Variants in EPHX4 observed in about 807,000 individuals in gnomAD.
The protein encoded by EPHX4 is epoxide hydrolase 4, also known as abhydrolase domain containing 7.
Under a neutral mutation model 44.9 loss-of-function variants are expected in EPHX4, and 31 were observed. That is an observed-to-expected ratio of 0.69 (90% CI 0.52 to 0.93). The LOEUF (loss-of-function observed/expected upper bound fraction) is 0.93, where lower values mean the gene tolerates loss of function less well. EPHX4 is among the 40% of genes least tolerant of loss of function. The probability of loss-of-function intolerance (pLI) is 0.00; values close to 1 mark genes in which losing one functional copy is unlikely to be tolerated. For synonymous variants in EPHX4, 151 were observed against 159.7 expected (o/e 0.95, Z 0.41); for missense variants, 373 against 438.1 (o/e 0.85, Z 1.33).
chr1:92,047,516 G>A (rs1475268337), intron 4 of EPHX4, among the ~76,000 whole-genome samples: 1 of 152,128 alleles, frequency 6.6e-6, no homozygotes, highest in African/African-American at 2.4e-5. Flanking sequence ...TGCTTTATGT[G>A]TACTTTCTAT....
chr1:92,043,957 C>G (rs1557883389), intron 3 of EPHX4, among the ~76,000 whole-genome samples: 1 of 152,158 alleles, frequency 6.6e-6, no homozygotes. Flanking sequence ...ACCACGAGAC[C>G]AAAGCAAATC....
intron 6 of EPHX4, among the ~76,000 whole-genome samples, chr1:92,057,028 G>T (rs1261313395): frequency 6.6e-6 from 1 of 151,770 alleles, no homozygotes; most frequent in Non-Finnish European, 1.5e-5. Context: ...AAAACATGAG[G>T]AATAGTTAAA....
chr1:92,034,116 C>A (rs1365089367), intron 2 of EPHX4, among the ~76,000 whole-genome samples: 2 of 140,342 alleles, frequency 1.4e-5, no homozygotes, highest in South Asian at 2.3e-4. Flanking sequence ...CACGGTGAAA[C>A]CCTGTCTCTA....
At position 92,063,404 on chromosome 1, in the gene EPHX4, A is replaced by G; in HGVS notation, c.*118A>G. ...AACTGTTTTAATGTGCTTTATCATA[A>G]ATAAATATCCTGACAAATGGTATTG... is the stretch of plus-strand genomic sequence containing the variant. On this transcript the variant is annotated 3_prime_UTR_variant, in exon 7 of 7. Transcript: ENST00000370383. 1.4e-6 allele frequency: 1 copy of G among 734,562 alleles called. No homozygotes were observed. The highest frequency in any genetic ancestry group is 2.1e-6 in the Non-Finnish European group (1 of 471,796). The allele number at this position is 734,562 out of a possible 1,614,324, so 45.5% of individuals were successfully genotyped here.
chr1:92,030,264 G>T lies in EPHX4; in HGVS notation c.185G>T (p.Cys62Phe), dbSNP rs929046230. Reference protein sequence around the residue: ...RRPAREHPPACLSDPSLGTHC... With the variant: ...RRPAREHPPAFLSDPSLGTHC... ...CCCGCCCGGGAGCACCCTCCCGCGT[G>T]CCTGAGCGACCCCTCCTTGGGCACC... The change falls in exon 1 of 7, where the codon TGC becomes TTC. Residue 62 changes from cysteine to phenylalanine, a missense_variant. Cys to Phe is a radical substitution (Grantham distance 205). Coordinates refer to ENST00000370383, the MANE Select transcript of EPHX4 (RefSeq NM_173567.5). The T allele has an allele frequency of 5.0e-6, 8 of 1,601,530 alleles. No homozygotes were observed. The highest frequency in any genetic ancestry group is 6.8e-6 in the Non-Finnish European group (8 of 1,174,580).
chr1:92,030,118 C>T lies in EPHX4; in HGVS notation c.39C>T (p.Leu13=), dbSNP rs79022052. ...GGGATTGCCTGCCCCGCCTGATGCT[C>T]ACGCTCCGGTCCCTGCTCTTCTGGT... The part of the protein sequence containing the change: ...RLRDCLPRLM[L]TLRSLLFWSL... Residue 13 remains leucine, a synonymous_variant, in exon 1 of 7, where the codon CTC becomes CTT. Coordinates refer to ENST00000370383, the MANE Select transcript of EPHX4 (RefSeq NM_173567.5). The T allele has an allele frequency of 5.6e-6, 9 of 1,609,800 alleles. No individual in the cohort carries two copies. The highest frequency in any genetic ancestry group is 2.3e-5 in the East Asian group (1 of 44,352).
intron 6 of EPHX4, among the ~76,000 whole-genome samples, chr1:92,061,312 C>T (rs1263670763): frequency 6.6e-6 from 1 of 152,132 alleles, no homozygotes; most frequent in African/African-American, 2.4e-5. Flanking sequence ...GAAGTTAAGT[C>T]CATGGTGGGC....
At chr1:92,033,348 T>C (rs181270845) in intron 2 of EPHX4, among the ~76,000 whole-genome samples, 2 of 152,310 alleles carry the variant, frequency 1.3e-5, no homozygotes, top group East Asian at 3.9e-4. Flanking sequence ...TATATATTTT[T>C]TTGAGGATTA....
intron 4 of EPHX4, among the ~76,000 whole-genome samples, chr1:92,050,052 TCG>T (rs1415618585): frequency 6.6e-6 from 1 of 151,622 alleles, no homozygotes; most frequent in East Asian, 1.9e-4. Context: ...TGAGCTGAGA[TCG>T]CGCCATTGCA....
At chr1:92,043,695 T>C (rs1688544749) in intron 3 of EPHX4, 1 of 152,230 alleles carries the variant, frequency 6.6e-6, no homozygotes. Flanking sequence ...TTTTTTCCTG[T>C]GCTCATGGAT....
intron 1 of EPHX4, among the ~76,000 whole-genome samples, chr1:92,032,256 A>G (rs752207405): frequency 1.3e-5 from 2 of 152,228 alleles, no homozygotes; most frequent in Non-Finnish European, 2.9e-5. Context: ...GGGAGTGTTG[A>G]CAAAGTGAAT....
intron 3 of EPHX4, among the ~76,000 whole-genome samples, chr1:92,045,012 G>C (rs903098706): frequency 3.9e-5 from 6 of 152,010 alleles, no homozygotes; most frequent in Non-Finnish European, 7.4e-5. Flanking sequence ...ACCCAGGCTG[G>C]AATGCAGTGG....
intron 2 of EPHX4, among the ~76,000 whole-genome samples, chr1:92,039,319 C>T (rs1490877710): frequency 6.6e-6 from 1 of 152,214 alleles, no homozygotes; most frequent in Middle Eastern, 3.4e-3. Context: ...ACACTTAGAC[C>T]AAGCAATAGG....
chr1:92,044,059 A>G lies in EPHX4; in HGVS notation c.475+1079A>G, dbSNP rs577565577. On this transcript the variant is annotated intron_variant, in intron 3 of 6. Transcript: ENST00000370383. ...GTAAATATTTTTTAACAATAATCCAATCTATTAATACTATATCCCTTTTGA... is the reference window on the plus strand; with the variant it reads ...GTAAATATTTTTTAACAATAATCCAGTCTATTAATACTATATCCCTTTTGA... Among the ~76,000 whole-genome samples, 10 of 152,326 alleles carry G rather than the reference A, an allele frequency of 6.6e-5. No individual in the cohort carries two copies. In the South Asian group the frequency reaches 2.1e-3, roughly 32 times the overall value.
chr1:92,055,766 T>C (rs1647354494), intron 6 of EPHX4, among the ~76,000 whole-genome samples: 1 of 152,214 alleles, frequency 6.6e-6, no homozygotes, highest in Non-Finnish European at 1.5e-5. Context: ...GAAAAAAGAT[T>C]TAAAATCTTA....
Position 92,052,612 on chromosome 1 carries a change from C to T in EPHX4, c.811C>T (p.Pro271Ser). ...LEAYIYVFSQPGALSGPINHY... is the reference protein window; with the variant it reads ...LEAYIYVFSQSGALSGPINHY... Reference sequence around the variant, plus strand: ...AGCTTATATTTATGTCTTTTCTCAGCCTGGAGCATTAAGTGGCCCAATTAA... The same window carrying T: ...AGCTTATATTTATGTCTTTTCTCAGTCTGGAGCATTAAGTGGCCCAATTAA... Residue 271 changes from proline (P) to serine (S), a missense_variant, in exon 6 of 7, where the codon CCT (proline) becomes TCT (serine). Pro to Ser is a moderately conservative substitution (Grantham distance 74, BLOSUM62 -1). Coordinates refer to ENST00000370383, the MANE Select transcript of EPHX4 (RefSeq NM_173567.5). The T allele has an allele frequency of 6.2e-7, 1 of 1,612,406 alleles. No homozygotes were observed. Among genetic ancestry groups the T allele is most frequent in the Non-Finnish European group, 8.5e-7 (1 of 1,179,442 alleles).
chr1:92,036,273 A>G (rs943844514), intron 2 of EPHX4, among the ~76,000 whole-genome samples: 34 of 152,112 alleles, frequency 2.2e-4, no homozygotes, highest in African/African-American at 7.7e-4. Context: ...ACCTACAACC[A>G]CTTTCATACA....
intron 3 of EPHX4, among the ~76,000 whole-genome samples, chr1:92,044,353 A>G (rs1356018436): frequency 6.6e-6 from 1 of 152,234 alleles, no homozygotes; most frequent in Non-Finnish European, 1.5e-5. Flanking sequence ...ATTTGTCATC[A>G]TGAAATTTTT....
At chr1:92,057,590 T>G (rs1026863119) in intron 6 of EPHX4, among the ~76,000 whole-genome samples, 1 of 151,376 alleles carries the variant, frequency 6.6e-6, no homozygotes, top group Non-Finnish European at 1.5e-5. Flanking sequence ...CCTAGATGGT[T>G]TTACAGGTAA....
Sources: allele counts gnomAD v4.1 joint callset (sites outside exome capture counted in the v4.1 genomes callset), GRCh38; gene constraint gnomAD v4.1.1; transcripts MANE v1.5; gene names NCBI Gene and HGNC (gene_info 2026-07-23, HGNC 2026-07-21).